The following BRSK1 variants were observed in gnomAD, a reference collection of about 807,000 sequenced individuals.
BRSK1 encodes serine/threonine-protein kinase BRSK1.
A neutral mutation model predicts 86.2 loss-of-function variants in BRSK1; 17 were observed. The observed-to-expected ratio is 0.20, with a 90% CI of 0.14 to 0.30. The LOEUF (loss-of-function observed/expected upper bound fraction) is 0.30. Among genes scored for constraint, BRSK1 ranks in the 10% least tolerant of loss-of-function variants. The pLI, the probability that BRSK1 is intolerant of heterozygous loss-of-function variation, is 1.00. For missense variants in BRSK1, 719 were observed against 1,071.9 expected (o/e 0.67, Z 4.60); for synonymous variants, 464 against 440.1 (o/e 1.05, Z -0.68).
intron 3 of BRSK1, among the ~76,000 whole-genome samples, chr19:55,288,714 T>A (rs1245860170): frequency 1.3e-5 from 2 of 151,768 alleles, no homozygotes; most frequent in Admixed American, 1.3e-4. Flanking sequence ...GCCTCCCGAG[T>A]GGCTGGGATT....
chr19:55,304,892 C>T lies in BRSK1; in HGVS notation c.1689C>T (p.Ser563=), dbSNP rs780638585. ...CCATCCGCAACAGCTTCCTGGGCTC[C>T]CCTCGCTTTCACCGGCGCAAGATGC... ...LNSIRNSFLG[S]PRFHRRKMQV... is the part of the protein sequence containing the mutation. The change falls in exon 14 of 19, where the codon TCC becomes TCT. Residue 563 remains serine (S), a synonymous_variant. Coordinates refer to ENST00000309383, the MANE Select transcript of BRSK1 (RefSeq NM_032430.2). The surrounding 1 kb of genome is among the most constrained non-coding windows in gnomAD (Gnocchi z 5.2). 3.1e-6 allele frequency: 5 copies of T among 1,609,310 alleles called. No individual in the cohort carries two copies. Among genetic ancestry groups the T allele is most frequent in the Middle Eastern group, 2.2e-4 (1 of 4,626 alleles).
rs1301693319 is a variant in BRSK1, at chr19:55,298,298, C to T, written c.679-3214C>T. ...GAGTGCAATGGCTTGATCTTCTTCG[C>T]GGCAACCTCCACCTCCTGGGTTCAA... On this transcript the variant is annotated intron_variant, in intron 7 of 18. Transcript: ENST00000309383. Among the ~76,000 whole-genome samples the T allele has an allele frequency of 3.0e-5, 4 of 132,612 alleles. 1 individual carries two copies. The highest frequency in any genetic ancestry group is 5.0e-4 in the South Asian group (2 of 4,012). 87.0% of individuals were successfully genotyped at this position (132,612 alleles called of 152,430 possible). A position where few individuals can be genotyped will look rare whatever the true frequency, so the allele number is the denominator to read the frequency against.
Position 55,303,554 on chromosome 19 carries a change from A to C in BRSK1, c.1127-113A>C. On this transcript the variant is annotated intron_variant, in intron 11 of 18. Coordinates refer to ENST00000309383, the MANE Select transcript of BRSK1 (RefSeq NM_032430.2). The surrounding 1 kb of genome is among the most constrained non-coding windows in gnomAD (Gnocchi z 5.1). ...CTGCTTGACTTGCTCTTTGACATTT[A>C]TCAAATCCCCTCTCCACTCTAGGCC... 2 of 1,490,210 alleles carry C rather than the reference A, an allele frequency of 1.3e-6. No homozygotes were observed. Among genetic ancestry groups the C allele is most frequent in the East Asian group, 4.5e-5 (2 of 43,998 alleles). 92.3% of individuals were successfully genotyped at this position (1,490,210 alleles called of 1,614,324 possible).
chr19:55,298,191 CTTTTTTTTTTGTTTCTTCTT>C lies in BRSK1; in HGVS notation c.679-3310_679-3291del, dbSNP rs1197028367. On this transcript the variant is annotated intron_variant, in intron 7 of 18. Coordinates refer to ENST00000309383, the MANE Select transcript of BRSK1 (RefSeq NM_032430.2). Reference sequence around the variant, plus strand: ...TGATGATTATTATTAGTAGTTTATTCTTTTTTTTTTGTTTCTTCTTTTTTTTTTTTTTTTTTTTTTTTTTG... The same window carrying C: ...TGATGATTATTATTAGTAGTTTATTCTTTTTTTTTTTTTTTTTTTTTTTTG... Among the ~76,000 whole-genome samples, 15 of 70,390 alleles carry C rather than the reference CTTTTTTTTTTGTTTCTTCTT, an allele frequency of 2.1e-4. No homozygotes were observed. In the East Asian group the frequency reaches 6.2e-3, roughly 29 times the overall value. The allele number at this position is 70,390 out of a possible 152,430, so 46.2% of individuals were successfully genotyped here.
chr19:55,285,014 C>CTGGGTCTG (rs2088287936), intron 1 of BRSK1, among the ~76,000 whole-genome samples: 1 of 148,338 alleles, frequency 6.7e-6, no homozygotes, highest in Non-Finnish European at 1.5e-5. Flanking sequence ...GCCTGGACTC[C>CTGGGTCTG]AGGGTCTGAG....
Position 55,305,388 on chromosome 19 carries a change from G to A in BRSK1, c.1766+19G>A, listed in dbSNP as rs538240389. On this transcript the variant is annotated intron_variant, in intron 15 of 18. Coordinates refer to ENST00000309383, the MANE Select transcript of BRSK1 (RefSeq NM_032430.2). ...CCCCGGAGTGAGTCTCACAGGGAAGGAAAGAGTGGGGATGCAGGGGATTCA... is the reference window on the plus strand; with the variant it reads ...CCCCGGAGTGAGTCTCACAGGGAAGAAAAGAGTGGGGATGCAGGGGATTCA... 297 of 1,614,192 alleles carry A rather than the reference G, an allele frequency of 1.8e-4. 4 individuals are homozygous for A. The South Asian group carries it at 3.2e-3, about 17-fold the overall frequency.
chr19:55,304,838 G>A lies in BRSK1; in HGVS notation c.1635G>A (p.Gly545=), dbSNP rs767680955. The change falls in exon 14 of 19, where the codon GGG becomes GGA. Residue 545 remains glycine, a synonymous_variant. Coordinates refer to ENST00000309383, the MANE Select transcript of BRSK1 (RefSeq NM_032430.2). The surrounding 1 kb of genome is among the most constrained non-coding windows in gnomAD (Gnocchi z 5.2). The stretch of plus-strand genomic sequence containing the variant: ...CCCCCAGCCCCGGCGGTGGCGTCGG[G>A]GGAGCCGCCTGGAGGAGTCGTCTCA... ...TPPPSPGGGV[G]GAAWRSRLNS... 1.9e-6 allele frequency: 3 copies of A among 1,603,054 alleles called. No homozygotes were observed. The highest frequency in any genetic ancestry group is 2.5e-6 in the Non-Finnish European group (3 of 1,177,054).
At chr19:55,289,315 C>T (rs984560511) in intron 3 of BRSK1, among the ~76,000 whole-genome samples, 165 bp from the exon 4 acceptor site, 6 of 152,104 alleles carry the variant, frequency 3.9e-5, no homozygotes, top group Admixed American at 3.9e-4. Flanking sequence ...TTAATGGAAA[C>T]TGGAGTCTCT....
chr19:55,305,620 C>T, intron 16 of BRSK1, 34 bp downstream of exon 16: 1 of 1,613,132 alleles, frequency 6.2e-7, no homozygotes, highest in East Asian at 2.2e-5. Context: ...AGCCTGGCCC[C>T]CGCAGAACTA....
At position 55,294,029 on chromosome 19, in the gene BRSK1, A is replaced by C. The variant is rs769843902; in HGVS notation, c.471A>C (p.Leu157=). 6.2e-7 allele frequency: 1 copy of C among 1,612,980 alleles called. No individual in the cohort carries two copies. The highest frequency in any genetic ancestry group is 1.7e-5 in the Admixed American group (1 of 59,936). ...CHSYSICHRD[L]KPENLLLDEK... The stretch of plus-strand genomic sequence containing the variant: ...CTGGCTGTCTCAGCCACAGAGACCT[A>C]AAGCCCGAGAACCTGCTTTTGGATG... Residue 157 remains leucine (L), a synonymous_variant, in exon 5 of 19, where the codon CTA becomes CTC. Transcript: ENST00000309383. The surrounding 1 kb of genome is among the most constrained non-coding windows in gnomAD (Gnocchi z 4.9).
intron 1 of BRSK1, 35 bp downstream of exon 1, chr19:55,284,613 G>C (rs778737323): frequency 7.9e-7 from 1 of 1,270,486 alleles, no homozygotes; most frequent in South Asian, 3.1e-5. Flanking sequence ...TGGGGCGGGG[G>C]GCAGGGTGGA....
At position 55,303,542 on chromosome 19, in the gene BRSK1, T is replaced by C. The variant is rs965226982; in HGVS notation, c.1127-125T>C. 9 of 1,478,316 alleles carry C rather than the reference T, an allele frequency of 6.1e-6. No individual in the cohort carries two copies. The highest frequency in any genetic ancestry group is 1.9e-5 in the Admixed American group (1 of 51,636). 91.6% of individuals were successfully genotyped at this position (1,478,316 alleles called of 1,614,324 possible). The stretch of plus-strand genomic sequence containing the variant: ...TCCAGCTTTAGACTGCTTGACTTGC[T>C]CTTTGACATTTATCAAATCCCCTCT... On this transcript the variant is annotated intron_variant, in intron 11 of 18. Transcript: ENST00000309383. The surrounding 1 kb of genome is among the most constrained non-coding windows in gnomAD (Gnocchi z 5.1).
chr19:55,286,578 C>T (rs1368112468), intron 1 of BRSK1, among the ~76,000 whole-genome samples: 2 of 147,476 alleles, frequency 1.4e-5, no homozygotes, highest in African/African-American at 2.5e-5. Context: ...AGACTATATT[C>T]GTTGGGAGTC....
chr19:55,303,250 C>A lies in BRSK1; in HGVS notation c.1029-61C>A. On this transcript the variant is annotated intron_variant, in intron 10 of 18. Coordinates refer to ENST00000309383, the MANE Select transcript of BRSK1 (RefSeq NM_032430.2). The surrounding 1 kb of genome is among the most constrained non-coding windows in gnomAD (Gnocchi z 5.1). ...GGGAGCGGAGGAGACCTCCTCTGAG[C>A]ATTGATGTTGGACCTCAGCCCTCTG... The A allele has an allele frequency of 1.5e-6, 2 of 1,316,750 alleles. No homozygotes were observed. The highest frequency in any genetic ancestry group is 2.2e-6 in the Non-Finnish European group (2 of 910,572). The allele number at this position is 1,316,750 out of a possible 1,614,324, so 81.6% of individuals were successfully genotyped here.
At position 55,312,245 on chromosome 19, in the gene BRSK1, G is replaced by T; in HGVS notation, c.*177G>T. 2.8e-6 allele frequency: 1 copy of T among 362,870 alleles called. No individual in the cohort carries two copies. 22.5% of individuals were successfully genotyped at this position (362,870 alleles called of 1,614,324 possible). On this transcript the variant is annotated 3_prime_UTR_variant, in exon 19 of 19. Coordinates refer to ENST00000309383, the MANE Select transcript of BRSK1 (RefSeq NM_032430.2). Reference sequence around the variant, plus strand: ...TGCCCAACTGGGGGTGGTTCTAGGGGAACAGGGGGCGGGGGAGCTGTTTCT... The same window carrying T: ...TGCCCAACTGGGGGTGGTTCTAGGGTAACAGGGGGCGGGGGAGCTGTTTCT...
intron 16 of BRSK1, among the ~76,000 whole-genome samples, chr19:55,305,852 C>G (rs1238825009): frequency 1.3e-5 from 2 of 152,206 alleles, no homozygotes; most frequent in Non-Finnish European, 2.9e-5. Context: ...TTGAAACTAG[C>G]CGAAGAAACT....
In BRSK1 at chr19:55,304,934, A is replaced by G. The variant is rs200187380; in HGVS notation, c.1717+14A>G. On this transcript the variant is annotated intron_variant, in intron 14 of 18. Transcript: ENST00000309383. This position sits in a 1 kb window ranked among gnomAD's most constrained non-coding sequence, Gnocchi z 5.2. ...GCAAGATGCAGGGTATGGGGGCATG[A>G]ACTGCCGAGTCCTAATGTGGGGAGA... The G allele has an allele frequency of 1.5e-4, 244 of 1,604,498 alleles. No homozygotes were observed. Among genetic ancestry groups the G allele is most frequent in the Middle Eastern group, 4.4e-4 (2 of 4,504 alleles).
At position 55,284,383 on chromosome 19, in the gene BRSK1, CGGGGCGACGGCCGCAGGG is replaced by C; in HGVS notation, c.-53_-36del. On this transcript the variant is annotated 5_prime_UTR_variant, in exon 1 of 19. Transcript: ENST00000309383. The stretch of plus-strand genomic sequence containing the variant: ...CGGTCGCCGGCCCCCACCGGAGAGA[CGGGGCGACGGCCGCAGGG>C]GGGGCGGCCGGGGGACCGGTCGGGC... 1.2e-6 allele frequency: 1 copy of C among 864,676 alleles called. No individual in the cohort carries two copies. Among genetic ancestry groups the C allele is most frequent in the Non-Finnish European group, 1.4e-6 (1 of 713,876 alleles). 53.6% of individuals were successfully genotyped at this position (864,676 alleles called of 1,614,324 possible).
chr19:55,286,887 G>T (rs969391834), intron 1 of BRSK1, 120 bp from the exon 2 acceptor site: 3 of 847,370 alleles, frequency 3.5e-6, no homozygotes, highest in Non-Finnish European at 5.8e-6. Context: ...ATGTGTTCAG[G>T]CCATTGTTAA....
Sources: allele counts gnomAD v4.1 joint callset (sites outside exome capture counted in the v4.1 genomes callset), GRCh38; gene constraint gnomAD v4.1.1; non-coding constraint Gnocchi (gnomAD v3.1); transcripts MANE v1.5; gene names NCBI Gene and HGNC (gene_info 2026-07-23, HGNC 2026-07-21).